The following SHISA9 variants were observed in gnomAD, a reference collection of about 807,000 sequenced individuals.
SHISA9 encodes protein shisa-9.
Under a neutral mutation model 38.0 loss-of-function variants are expected in SHISA9, and 13 were observed. That is an observed-to-expected ratio of 0.34 (90% CI 0.22 to 0.54). The LOEUF is 0.54. Among genes scored for constraint, SHISA9 ranks in the 20% least tolerant of loss-of-function variants. The pLI is 0.91. For missense variants in SHISA9, 538 were observed against 575.8 expected (o/e 0.93, Z 0.67); for synonymous variants, 275 against 242.0 (o/e 1.14, Z -1.27).
At chr16:13,395,011 A>G in the SHISA9 span, among the ~76,000 whole-genome samples, 1 of 150,718 alleles carries the variant, frequency 6.6e-6, no homozygotes, top group Non-Finnish European at 1.5e-5. Flanking sequence ...GGTTTATCTT[A>G]TGAAATCCTA....
In SHISA9 at chr16:13,130,898, C is replaced by T. The variant is rs571277101; in HGVS notation, c.692-72496C>T. 1.1e-4 allele frequency among the ~76,000 whole-genome samples: 17 copies of T among 152,230 alleles called. No individual in the cohort carries two copies. In the East Asian group the frequency reaches 1.4e-3, roughly 12 times the overall value. ...CACTGATCATTAGAGAAATGCAAAT[C>T]GAAACCACAGTGAGATACCAACTCA... On this transcript the variant is annotated intron_variant, in intron 2 of 4. Coordinates refer to ENST00000558583, the MANE Select transcript of SHISA9 (RefSeq NM_001145204.3).
intron 4 of SHISA9, among the ~76,000 whole-genome samples, chr16:13,214,288 G>T (rs563552936): frequency 1.3e-5 from 2 of 152,226 alleles, no homozygotes; most frequent in East Asian, 3.9e-4. Flanking sequence ...AACCTCCTCC[G>T]CCTCCCAGGT....
the SHISA9 span, among the ~76,000 whole-genome samples, chr16:13,492,972 A>G: frequency 3.8e-3 from 577 of 152,284 alleles, 3 homozygotes; most frequent in African/African-American, 0.013. Context: ...GTGTGCAGAG[A>G]TGAGATTGGA....
At chr16:13,098,407 G>T (rs936624782) in intron 2 of SHISA9, among the ~76,000 whole-genome samples, 1 of 152,078 alleles carries the variant, frequency 6.6e-6, no homozygotes, top group Non-Finnish European at 1.5e-5. Context: ...TAGGTGTTCT[G>T]TGTTACCATA....
At chr16:13,522,956 C>A in the SHISA9 span, among the ~76,000 whole-genome samples, 1 of 152,160 alleles carries the variant, frequency 6.6e-6, no homozygotes, top group Admixed American at 6.5e-5. Context: ...CATGGAGTAT[C>A]AGCTTTGGGG....
At chr16:13,427,747 A>G in the SHISA9 span, among the ~76,000 whole-genome samples, 2 of 152,198 alleles carry the variant, frequency 1.3e-5, no homozygotes, top group African/African-American at 4.8e-5. Flanking sequence ...CTGGCAACAG[A>G]CAACAGGTTT....
chr16:12,972,211 G>A (rs910748226), intron 2 of SHISA9, among the ~76,000 whole-genome samples: 1 of 152,124 alleles, frequency 6.6e-6, no homozygotes, highest in Non-Finnish European at 1.5e-5. Context: ...TCATATATTA[G>A]CAAGAGTGAT....
intron 4 of SHISA9, among the ~76,000 whole-genome samples, chr16:13,234,760 G>T (rs566894413): frequency 1.3e-5 from 2 of 152,094 alleles, no homozygotes; most frequent in East Asian, 1.9e-4. Context: ...TGGGACTGTG[G>T]GGGGAGAAGT....
chr16:13,098,436 C>T (rs1287895906), intron 2 of SHISA9, among the ~76,000 whole-genome samples: 5 of 152,222 alleles, frequency 3.3e-5, no homozygotes, highest in Non-Finnish European at 4.4e-5. Flanking sequence ...AAGATCCCAG[C>T]AACCCAGGGA....
the SHISA9 span, among the ~76,000 whole-genome samples, chr16:13,543,793 T>G: frequency 6.6e-6 from 1 of 152,154 alleles, no homozygotes; most frequent in Non-Finnish European, 1.5e-5. Context: ...GCATCGACCC[T>G]TCCTTCCCAA....
At chr16:13,276,670 A>G in the SHISA9 span, among the ~76,000 whole-genome samples, 3 of 152,084 alleles carry the variant, frequency 2.0e-5, no homozygotes, top group East Asian at 3.9e-4. Context: ...ATCATTAGTG[A>G]TTTTGAACAT....
chr16:13,072,895 A>G (rs577507851), intron 2 of SHISA9, among the ~76,000 whole-genome samples: 1 of 152,292 alleles, frequency 6.6e-6, no homozygotes, highest in South Asian at 2.1e-4. Context: ...TCCTGGTCTC[A>G]AGTGATCCAC....
the SHISA9 span, among the ~76,000 whole-genome samples, chr16:13,278,617 A>G: frequency 3.3e-5 from 5 of 152,004 alleles, no homozygotes; most frequent in African/African-American, 4.8e-5. Flanking sequence ...TGTTCAGGGT[A>G]TCTAATTCTT....
the SHISA9 span, among the ~76,000 whole-genome samples, chr16:13,530,205 G>A: frequency 1.3e-5 from 2 of 152,210 alleles, no homozygotes; most frequent in Admixed American, 1.3e-4. Flanking sequence ...GGAGGCTGAA[G>A]CAGGAGAATC....
chr16:13,376,725 A>T, the SHISA9 span, among the ~76,000 whole-genome samples: 2 of 152,074 alleles, frequency 1.3e-5, no homozygotes, highest in Non-Finnish European at 2.9e-5. Flanking sequence ...ACAGGGTCTC[A>T]CTCCATTGCC....
At chr16:13,414,637 TC>T in the SHISA9 span, among the ~76,000 whole-genome samples, 2 of 77,218 alleles carry the variant, frequency 2.6e-5, no homozygotes, top group African/African-American at 4.4e-5. Context: ...CTTTCTTTCT[TC>T]TTTCTTTCTT....
At chr16:13,521,398 T>A in the SHISA9 span, among the ~76,000 whole-genome samples, 1 of 152,226 alleles carries the variant, frequency 6.6e-6, no homozygotes, top group Non-Finnish European at 1.5e-5. Context: ...CAGTACACAT[T>A]ACAATTTGCG....
At chr16:13,469,369 G>GAAAGAAAGAAAGAAAGAAAGAAAAGAA in the SHISA9 span, among the ~76,000 whole-genome samples, 1 of 66,652 alleles carries the variant, frequency 1.5e-5, no homozygotes. Context: ...AAAAGAAAAA[G>GAAAGAAAGAAAGAAAGAAAGAAAAGAA]AAAGAAAGAA....
intron 2 of SHISA9, among the ~76,000 whole-genome samples, chr16:12,923,785 G>A (rs1191742814): frequency 2.0e-5 from 3 of 151,698 alleles, no homozygotes; most frequent in Admixed American, 1.3e-4. Flanking sequence ...AGCTTGCAGT[G>A]AGCCGAGATC....
Sources: allele counts gnomAD v4.1 joint callset (sites outside exome capture counted in the v4.1 genomes callset), GRCh38; gene constraint gnomAD v4.1.1; transcripts MANE v1.5; gene names NCBI Gene and HGNC (gene_info 2026-07-23, HGNC 2026-07-21).